The following MSRA variants were observed in gnomAD, a reference collection of about 807,000 sequenced individuals.
MSRA encodes mitochondrial peptide methionine sulfoxide reductase.
A neutral mutation model predicts 31.3 loss-of-function variants in MSRA; 54 were observed. The observed-to-expected ratio is 1.73, with a 90% CI of 1.39 to 2.17. The LOEUF is 2.17. MSRA is among the 30% of genes most tolerant of loss of function. The pLI is 0.00. For missense variants in MSRA, 507 were observed against 300.9 expected (o/e 1.69, Z -5.07); for synonymous variants, 169 against 116.5 (o/e 1.45, Z -2.90).
At chr8:10,382,793 G>A (rs1466064183) in intron 5 of MSRA, among the ~76,000 whole-genome samples, 2 of 152,160 alleles carry the variant, frequency 1.3e-5, no homozygotes, top group Non-Finnish European at 2.9e-5. Flanking sequence ...CTGGGAAGAG[G>A]TCCCACTCTG....
intron 3 of MSRA, among the ~76,000 whole-genome samples, chr8:10,260,283 G>A (rs886644863): frequency 6.6e-6 from 1 of 152,172 alleles, no homozygotes; most frequent in Non-Finnish European, 1.5e-5. Context: ...TGCAAGAGCT[G>A]TTTAATACCA....
At chr8:10,085,650 C>G (rs1798520892) in intron 1 of MSRA, among the ~76,000 whole-genome samples, 1 of 152,132 alleles carries the variant, frequency 6.6e-6, no homozygotes, top group Non-Finnish European at 1.5e-5. Flanking sequence ...GTGGAATTTG[C>G]TTTTTAACAA....
intron 1 of MSRA, among the ~76,000 whole-genome samples, chr8:10,137,723 A>T (rs1222851818): frequency 1.3e-5 from 2 of 151,990 alleles, no homozygotes; most frequent in Admixed American, 1.3e-4. Context: ...GTGACTGGGG[A>T]GGTATAAGGA....
intron 1 of MSRA, among the ~76,000 whole-genome samples, chr8:10,157,285 G>A (rs958235131): frequency 2.6e-5 from 4 of 152,104 alleles, no homozygotes; most frequent in Non-Finnish European, 5.9e-5. Flanking sequence ...GAAGACACTA[G>A]CAATGGACTT....
intron 4 of MSRA, among the ~76,000 whole-genome samples, chr8:10,317,990 C>T (rs1034565313): frequency 6.6e-6 from 1 of 152,180 alleles, no homozygotes; most frequent in Non-Finnish European, 1.5e-5. Context: ...CTTGTCAGAC[C>T]TTGTCCTGCC....
chr8:10,379,576 C>T (rs1030084683), intron 5 of MSRA, among the ~76,000 whole-genome samples: 1 of 152,190 alleles, frequency 6.6e-6, no homozygotes, highest in Non-Finnish European at 1.5e-5. Context: ...CTCCGCCTTC[C>T]CCCCTCTTCC....
chr8:10,348,322 T>A (rs542143960), intron 5 of MSRA, among the ~76,000 whole-genome samples: 44 of 151,334 alleles, frequency 2.9e-4, no homozygotes, highest in African/African-American at 1.0e-3. Context: ...CATGGCCAAA[T>A]GCCTATTTCC....
chr8:10,194,535 C>T (rs1807807323), intron 1 of MSRA, among the ~76,000 whole-genome samples: 1 of 152,220 alleles, frequency 6.6e-6, no homozygotes, highest in Non-Finnish European at 1.5e-5. Context: ...TAATGCACTT[C>T]TGCCTCCTCA....
intron 2 of MSRA, among the ~76,000 whole-genome samples, chr8:10,233,839 G>T (rs1420734240): frequency 6.6e-6 from 1 of 152,038 alleles, no homozygotes; most frequent in East Asian, 1.9e-4. Context: ...TATATTTTAA[G>T]CCCTAAGCAA....
intron 2 of MSRA, 110 bp from the exon 3 acceptor site, chr8:10,244,994 G>T: frequency 1.1e-6 from 1 of 934,212 alleles, no homozygotes. Flanking sequence ...GTTATCAAAT[G>T]ACAGGAGCAA....
intron 1 of MSRA, among the ~76,000 whole-genome samples, chr8:10,205,182 T>A (rs1808845744): frequency 3.9e-5 from 6 of 152,092 alleles, no homozygotes; most frequent in Admixed American, 3.9e-4. Flanking sequence ...GAAAGATAAT[T>A]GTGGCTACCT....
intron 1 of MSRA, among the ~76,000 whole-genome samples, chr8:10,121,342 C>T (rs559188388): frequency 9.9e-5 from 15 of 152,212 alleles, no homozygotes; most frequent in African/African-American, 3.1e-4. Flanking sequence ...CAGCACTGAC[C>T]GTGCATCCAC....
intron 1 of MSRA, among the ~76,000 whole-genome samples, chr8:10,090,918 G>T (rs1031789404): frequency 6.6e-6 from 1 of 152,164 alleles, no homozygotes; most frequent in African/African-American, 2.4e-5. Flanking sequence ...CAACAACATT[G>T]TATCCGTTCA....
intron 3 of MSRA, among the ~76,000 whole-genome samples, chr8:10,270,847 A>G (rs779700811): frequency 6.6e-5 from 10 of 152,232 alleles, no homozygotes; most frequent in Non-Finnish European, 1.2e-4. Flanking sequence ...AAGGCACTGC[A>G]GGGTGGAATT....
intron 1 of MSRA, among the ~76,000 whole-genome samples, chr8:10,143,911 C>T (rs758584783): frequency 3.3e-5 from 5 of 152,162 alleles, no homozygotes; most frequent in Non-Finnish European, 1.5e-5. Context: ...AGATTCTTGT[C>T]TGCTGCTTTT....
At chr8:10,184,429 C>G (rs1320670996) in intron 1 of MSRA, among the ~76,000 whole-genome samples, 1 of 151,754 alleles carries the variant, frequency 6.6e-6, no homozygotes, top group African/African-American at 2.4e-5. Flanking sequence ...TACTTTCTCT[C>G]TAGATGTAAA....
intron 1 of MSRA, among the ~76,000 whole-genome samples, chr8:10,148,915 G>C (rs953721408): frequency 1.2e-4 from 18 of 151,330 alleles, no homozygotes; most frequent in Non-Finnish European, 2.2e-4. Flanking sequence ...ATGAGTCCGA[G>C]TGAGGGGTGG....
intron 5 of MSRA, among the ~76,000 whole-genome samples, chr8:10,364,087 A>T (rs981170377): frequency 4.6e-5 from 7 of 152,146 alleles, no homozygotes; most frequent in Non-Finnish European, 8.8e-5. Context: ...TTATTTAAAA[A>T]CCTAGAGACC....
chr8:10,056,857 C>T (rs755317222), intron 1 of MSRA, among the ~76,000 whole-genome samples: 1 of 152,118 alleles, frequency 6.6e-6, no homozygotes, highest in Non-Finnish European at 1.5e-5. Flanking sequence ...TTATTTGTAC[C>T]CTGACCCTCA....
Sources: allele counts gnomAD v4.1 joint callset (sites outside exome capture counted in the v4.1 genomes callset), GRCh38; gene constraint gnomAD v4.1.1; transcripts MANE v1.5; gene names NCBI Gene and HGNC (gene_info 2026-07-23, HGNC 2026-07-21).